Variants in SRRT observed in about 807,000 individuals in gnomAD.
The protein encoded by SRRT is serrate, RNA effector molecule, also known as serrate RNA effector molecule homolog.
Under a neutral mutation model 103.2 loss-of-function variants are expected in SRRT, and 32 were observed. The ratio of observed to expected loss-of-function variants is 0.31; its 90% CI spans 0.23 to 0.42. SRRT has a LOEUF of 0.42. Ranked by LOEUF, SRRT falls within the 10% of genes least tolerant of loss-of-function variation. The probability of loss-of-function intolerance (pLI) is 1.00; values close to 1 mark genes in which losing one functional copy is unlikely to be tolerated. For missense variants in SRRT, 986 were observed against 1,207.5 expected, an observed-to-expected ratio of 0.82 and a Z score of 2.72; for synonymous variants, 525 against 449.0, an observed-to-expected ratio of 1.17 and a Z score of -2.14.
intron 2 of SRRT, among the ~76,000 whole-genome samples, chr7:100,877,895 A>G (rs1815904138): frequency 1.3e-5 from 2 of 152,150 alleles, no homozygotes; most frequent in African/African-American, 4.8e-5. Flanking sequence ...TGAATGAATG[A>G]CAAACAGTGA....
chr7:100,875,384 C>G, intron 1 of SRRT, 56 bp downstream of exon 1: 1 of 1,347,266 alleles, frequency 7.4e-7, no homozygotes, highest in South Asian at 1.5e-5. Flanking sequence ...GAACCGGGGT[C>G]CACGGGGGCG....
intron 2 of SRRT, among the ~76,000 whole-genome samples, chr7:100,879,685 C>G (rs1276420914): frequency 6.6e-6 from 1 of 151,792 alleles, no homozygotes; most frequent in African/African-American, 2.4e-5. Flanking sequence ...TGTCCTCAGT[C>G]ATTTTTAAGA....
chr7:100,884,718 C>T (rs55833792), intron 7 of SRRT, 22 bp from the exon 8 acceptor site: 81,341 of 1,609,742 alleles, frequency 0.051, 3,614 homozygotes, highest in African/African-American at 0.22. Flanking sequence ...TTGACATCCC[C>T]AGTGGTTGTC....
At chr7:100,880,324 A>T (rs971109068) in intron 2 of SRRT, among the ~76,000 whole-genome samples, 1 of 151,068 alleles carries the variant, frequency 6.6e-6, no homozygotes, top group African/African-American at 2.4e-5. Context: ...GGTGGGGGGG[A>T]TGAAGTCTTG....
At chr7:100,876,233 C>T (rs1233329626) in intron 2 of SRRT, among the ~76,000 whole-genome samples, 1 of 152,174 alleles carries the variant, frequency 6.6e-6, no homozygotes, top group Non-Finnish European at 1.5e-5. Flanking sequence ...CTCACTGCAA[C>T]CTTCGCCTCT....
In SRRT at chr7:100,886,675, A is replaced by G. The variant is rs945726430; in HGVS notation, c.1648-120A>G. On this transcript the variant is annotated intron_variant, in intron 13 of 19. Coordinates refer to ENST00000611405, the MANE Select transcript of SRRT (RefSeq NM_015908.6). ...ATAAAGACAAATCTCAAGGGGGCAA[A>G]AGGTGCCATTTATGTCCGGTGAACT... The G allele has an allele frequency of 2.4e-4, 287 of 1,198,794 alleles. 2 individuals are homozygous for G. The highest frequency in any genetic ancestry group is 5.3e-5 in the Non-Finnish European group (44 of 831,538). The allele number at this position is 1,198,794 out of a possible 1,614,324, so 74.3% of individuals were successfully genotyped here. A position where few individuals can be genotyped will look rare whatever the true frequency, so the allele number is the denominator to read the frequency against.
rs569700783 is a variant in SRRT, at chr7:100,875,996, G to T, written c.122+284G>T. 1.6e-3 allele frequency: 566 copies of T among 362,712 alleles called. 4 individuals are homozygous for T. Among genetic ancestry groups the T allele is most frequent in the South Asian group, 0.01 (446 of 42,580 alleles). The allele number at this position is 362,712 out of a possible 1,614,324, so 22.5% of individuals were successfully genotyped here. On this transcript the variant is annotated intron_variant, in intron 2 of 19. Transcript: ENST00000611405. ...GTGCTTTTTTGCTTTTTTTTGTTTT[G>T]TTATTGAGATGGGGTCTTGTTCTGC...
rs778183111 is a variant in SRRT at position 100,881,356 on chromosome 7, G to A, written c.194G>A (p.Arg65His). 9 of 1,613,260 alleles carry A rather than the reference G, an allele frequency of 5.6e-6. No individual in the cohort carries two copies. The highest frequency in any genetic ancestry group is 4.0e-5 in the African/African-American group (3 of 74,884). ...YRDYDRNRRE[R>H]FSPPRHELSP... ...GACTATGACCGGAATCGGCGAGAGC[G>A]CTTCTCGCCACCTCGCCACGAACTC... The change falls in exon 3 of 20, where the codon CGC (arginine) becomes CAC (histidine). Residue 65 changes from arginine (R) to histidine (H), a missense_variant. Around this residue, in one of 6 missense-constraint regions of SRRT, gnomAD observed 274 missense variants for 358.5 expected, o/e 0.76. Coordinates refer to ENST00000611405, the MANE Select transcript of SRRT (RefSeq NM_015908.6).
Position 100,886,425 on chromosome 7 carries a change from C to T in SRRT, c.1637C>T (p.Pro546Leu), listed in dbSNP as rs1340315253. The change falls in exon 13 of 20, where the codon CCC (proline) becomes CTC (leucine). Residue 546 changes from proline to leucine, a missense_variant. By Grantham distance (98) the Pro-to-Leu change is moderately conservative. This residue lies in a region of SRRT where 349 missense variants were observed against 446.9 expected (regional missense o/e 0.78). Transcript: ENST00000611405. ...QLWASEPGTP[P>L]LPTSLPSQNP... ...TGGGCCTCAGAACCAGGGACGCCTC[C>T]CCTGCCCACGGTCAGTGACTCCCCA... The T allele has an allele frequency of 5.0e-6, 8 of 1,611,970 alleles. No homozygotes were observed. The highest frequency in any genetic ancestry group is 6.8e-6 in the Non-Finnish European group (8 of 1,179,544).
In SRRT at chr7:100,888,121, G is replaced by A. The variant is rs1418581014; in HGVS notation, c.2406G>A (p.Arg802=). 6.2e-7 allele frequency: 1 copy of A among 1,610,450 alleles called. No individual in the cohort carries two copies. Among genetic ancestry groups the A allele is most frequent in the Middle Eastern group, 1.7e-4 (1 of 6,040 alleles). ...GCCTGATGCCCTATGGTCAGCCCCG[G>A]CCCCCGATCTTGGGCTATGGAGGTA... ...PQGLMPYGQP[R]PPILGYGAGA... The change falls in exon 18 of 20, where the codon CGG becomes CGA. Residue 802 remains arginine (R), a synonymous_variant. Coordinates refer to ENST00000611405, the MANE Select transcript of SRRT (RefSeq NM_015908.6).
chr7:100,875,795 T>A, intron 2 of SRRT, 83 bp downstream of exon 2: 1 of 1,550,952 alleles, frequency 6.4e-7, no homozygotes, highest in Non-Finnish European at 8.9e-7. Flanking sequence ...CCCCTTGTAA[T>A]TTTTATGAGG....
rs1457215909 is a variant in SRRT at position 100,888,460 on chromosome 7, C to T, written c.2556-14C>T. The T allele has an allele frequency of 1.9e-6, 3 of 1,613,804 alleles. No individual in the cohort carries two copies. Among genetic ancestry groups the T allele is most frequent in the East Asian group, 2.2e-5 (1 of 44,890 alleles). On this transcript the variant is annotated splice_polypyrimidine_tract_variant and intron_variant, in intron 19 of 19. Transcript: ENST00000611405. Reference sequence around the variant, plus strand: ...GGAGCCCTCAGCTCTCATCCTGTACCTCTCACCTCACAGGATGGTTCGTGG... The same window carrying T: ...GGAGCCCTCAGCTCTCATCCTGTACTTCTCACCTCACAGGATGGTTCGTGG...
At chr7:100,886,198 T>C (rs372355277) in intron 12 of SRRT, 49 bp from the exon 13 acceptor site, 6 of 1,579,164 alleles carry the variant, frequency 3.8e-6, no homozygotes, top group Non-Finnish European at 5.2e-6. Flanking sequence ...GCTGTTTCTC[T>C]GGCAAGCGGG....
At chr7:100,875,521 T>A in intron 1 of SRRT, 52 bp from the exon 2 acceptor site, 1 of 1,601,236 alleles carries the variant, frequency 6.2e-7, no homozygotes, top group South Asian at 1.1e-5. Flanking sequence ...GGACGGTCCC[T>A]TCCTCCGCTC....
Position 100,887,864 on chromosome 7 carries a change from G to C in SRRT, c.2326+5G>C. On this transcript the variant is annotated splice_donor_5th_base_variant and intron_variant, in intron 17 of 19. Coordinates refer to ENST00000611405, the MANE Select transcript of SRRT (RefSeq NM_015908.6). This position sits in a 1 kb window ranked among gnomAD's most constrained non-coding sequence, Gnocchi z 4.1. ...AGCCACCTGGCCCCGCCCAGAGTAAGATACGATCCATGAAGGTCGCATGTG... is the reference window on the plus strand; with the variant it reads ...AGCCACCTGGCCCCGCCCAGAGTAACATACGATCCATGAAGGTCGCATGTG... 1 of 1,597,414 alleles carries C rather than the reference G, an allele frequency of 6.3e-7. No homozygotes were observed. The highest frequency in any genetic ancestry group is 8.6e-7 in the Non-Finnish European group (1 of 1,166,642).
chr7:100,883,937 C>A (rs932200888), intron 5 of SRRT, 133 bp from the exon 6 acceptor site: 1 of 983,250 alleles, frequency 1.0e-6, no homozygotes, highest in Non-Finnish European at 1.5e-6. Context: ...ATCCCTTAAT[C>A]TCTCTATTTT....
chr7:100,886,781 C>T lies in SRRT; in HGVS notation c.1648-14C>T, dbSNP rs148789398. The T allele has an allele frequency of 2.0e-3, 3,192 of 1,613,934 alleles. 9 individuals are homozygous for T. Among genetic ancestry groups the T allele is most frequent in the Non-Finnish European group, 1.6e-3 (1,848 of 1,179,942 alleles). ...GGTCTTCTCTGCCTTACTTGCTTCT[C>T]TTCCTCCCATCAGAGCCTGCCCTCG... On this transcript the variant is annotated splice_polypyrimidine_tract_variant and intron_variant, in intron 13 of 19. Transcript: ENST00000611405.
Position 100,887,932 on chromosome 7 carries a change from G to T in SRRT, c.2326+73G>T, listed in dbSNP as rs758876976. ...CCAGGGACTCCTGTTTCTCTTTAAC[G>T]TGTCACCCCGAGAAGTTTCTGCCCC... On this transcript the variant is annotated intron_variant, in intron 17 of 19. Transcript: ENST00000611405. This position sits in a 1 kb window ranked among gnomAD's most constrained non-coding sequence, Gnocchi z 4.1. 1 of 1,547,190 alleles carries T rather than the reference G, an allele frequency of 6.5e-7. No individual in the cohort carries two copies. The highest frequency in any genetic ancestry group is 1.9e-5 in the Admixed American group (1 of 51,464).
Position 100,885,724 on chromosome 7 carries a change from T to C in SRRT, c.1341T>C (p.Phe447=). 2 of 1,613,630 alleles carry C rather than the reference T, an allele frequency of 1.2e-6. No individual in the cohort carries two copies. Among genetic ancestry groups the C allele is most frequent in the Non-Finnish European group, 1.7e-6 (2 of 1,179,770 alleles). Residue 447 remains phenylalanine, a synonymous_variant, in exon 11 of 20, where the codon TTT becomes TTC. Transcript: ENST00000611405. This position sits in a 1 kb window ranked among gnomAD's most constrained non-coding sequence, Gnocchi z 4.8. ...AGCTTTGTAAAAGGTACCCAGGCTT[T>C]ATGCGGGTGGCGCTCTCAGAGCCCC... is the stretch of plus-strand genomic sequence containing the variant. ...IISLCKRYPG[F]MRVALSEPQP...
Sources: gnomAD v4.1 joint callset for allele counts (sites outside exome capture counted in the v4.1 genomes callset) on GRCh38, gnomAD v4.1.1 for gene constraint, gnomAD v4.1.1 regional missense constraint, Gnocchi (gnomAD v3.1) non-coding constraint, MANE v1.5 for transcripts, NCBI Gene and HGNC (gene_info 2026-07-23, HGNC 2026-07-21) for gene names.